The following LYPD5 variants were observed in gnomAD, a reference collection of about 807,000 sequenced individuals.
LYPD5 encodes the protein ly6/PLAUR domain-containing protein 5.
LYPD5 carries 21 observed loss-of-function variants against 19.1 expected under a neutral mutation model. The ratio of observed to expected loss-of-function variants is 1.10; its 90% CI spans 0.78 to 1.58. The LOEUF is 1.58. Among genes scored for constraint, LYPD5 ranks in the 40% most tolerant of loss-of-function variants. The probability of loss-of-function intolerance (pLI) is 0.00; values close to 1 mark genes in which losing one functional copy is unlikely to be tolerated. For missense variants in LYPD5, 287 were observed against 329.8 expected (o/e 0.87, Z 1.00); for synonymous variants, 128 against 142.7 (o/e 0.90, Z 0.74).
In LYPD5 at chr19:43,797,715, TA is replaced by T; in HGVS notation, c.631del (p.Tyr211ThrfsTer8). 2 of 1,613,368 alleles carry T rather than the reference TA, an allele frequency of 1.2e-6. No individual in the cohort carries two copies. The highest frequency in any genetic ancestry group is 1.7e-6 in the Non-Finnish European group (2 of 1,179,810). ...IDLQGSCCEG[Y>X]LCNRKSMTQP... ...GGTCATGGATTTCCTGTTGCAGAGG[TA>T]CCCCTCACAGCAGGAGCCCTGGAGG... On this transcript the variant is annotated frameshift_variant, in exon 5 of 5. Coordinates refer to ENST00000377950, the MANE Select transcript of LYPD5 (RefSeq NM_001031749.3). LOFTEE classifies it low-confidence loss of function (END_TRUNC).
intron 1 of LYPD5, among the ~76,000 whole-genome samples, chr19:43,809,534 C>T (rs528126175): frequency 1.6e-4 from 24 of 152,310 alleles, no homozygotes; most frequent in East Asian, 1.2e-3. Flanking sequence ...ACTGCCACCA[C>T]GCCCGGCTCA....
chr19:43,799,654 C>T, intron 2 of LYPD5, 52 bp downstream of exon 2: 5 of 1,559,788 alleles, frequency 3.2e-6, no homozygotes, highest in Non-Finnish European at 4.4e-6. Flanking sequence ...CCCCTCTCCC[C>T]CCTTTTTCCT....
At chr19:43,808,824 T>C (rs532128522) in intron 1 of LYPD5, among the ~76,000 whole-genome samples, 46 of 152,380 alleles carry the variant, frequency 3.0e-4, no homozygotes, top group Non-Finnish European at 5.4e-4. Flanking sequence ...ATAAGGTTAA[T>C]ATTTTATCTT....
intron 1 of LYPD5, among the ~76,000 whole-genome samples, chr19:43,814,814 C>T (rs1367486587): frequency 3.3e-5 from 5 of 152,178 alleles, no homozygotes; most frequent in Admixed American, 3.3e-4. Context: ...AGATCTCTTA[C>T]AATGAATTAA....
chr19:43,797,652 CG>C lies in LYPD5; in HGVS notation c.694del (p.Arg232GlufsTer53). 3 of 1,613,372 alleles carry C rather than the reference CG, an allele frequency of 1.9e-6. No homozygotes were observed. Among genetic ancestry groups the C allele is most frequent in the Non-Finnish European group, 2.5e-6 (3 of 1,179,736 alleles). ...GAGCAGGGCCAGGACCTGTAGTGCT[CG>C]GGGAGGGGTGGTGGCTGAAGCACTG... The part of the protein sequence containing the change: ...FTSASATTPP[R>X]ALQVLALLLP... On this transcript the variant is annotated frameshift_variant, in exon 5 of 5. Coordinates refer to ENST00000377950, the MANE Select transcript of LYPD5 (RefSeq NM_001031749.3). LOFTEE classifies it low-confidence loss of function (END_TRUNC).
At position 43,819,853 on chromosome 19, in the gene LYPD5, C is replaced by G. The variant is rs565647011; in HGVS notation, c.-66+687G>C. On this transcript the variant is annotated intron_variant, in intron 1 of 4. Coordinates refer to the LYPD5 transcript ENST00000414615. Reference sequence around the variant, plus strand: ...TTCTGTTATGTATGTGAGGGAACCACTATGGGAGACTGATGGCCTTGGGAA... The same window carrying G: ...TTCTGTTATGTATGTGAGGGAACCAGTATGGGAGACTGATGGCCTTGGGAA... Among the ~76,000 whole-genome samples, 8 of 152,304 alleles carry G rather than the reference C, an allele frequency of 5.3e-5. No homozygotes were observed. In the South Asian group the frequency reaches 1.7e-3, roughly 32 times the overall value.
At chr19:43,815,970 G>C (rs187112894) in intron 1 of LYPD5, among the ~76,000 whole-genome samples, 292 of 152,198 alleles carry the variant, frequency 1.9e-3, no homozygotes, top group Admixed American at 3.6e-3. Context: ...CTAACCTCAA[G>C]CGATTCACCC....
intron 2 of LYPD5, 49 bp downstream of exon 2, chr19:43,799,657 T>C (rs772191892): frequency 3.8e-5 from 58 of 1,545,560 alleles, no homozygotes; most frequent in Middle Eastern, 1.7e-4. Context: ...CTCTCCCCCC[T>C]TTTTCCTCCC....
At chr19:43,800,227 G>C (rs780866541) in intron 1 of LYPD5, among the ~76,000 whole-genome samples, 1 of 152,216 alleles carries the variant, frequency 6.6e-6, no homozygotes, top group Non-Finnish European at 1.5e-5. Flanking sequence ...CTCCAGGACA[G>C]GTAGAGTGAA....
chr19:43,808,461 T>C (rs1473017206), intron 1 of LYPD5, among the ~76,000 whole-genome samples: 1 of 152,250 alleles, frequency 6.6e-6, no homozygotes, highest in Non-Finnish European at 1.5e-5. Context: ...AAGGGTTTAA[T>C]ATTTAAATAT....
In LYPD5 at chr19:43,799,001, T is replaced by TG. The variant is rs1970181057; in HGVS notation, c.194-14_194-13insC. On this transcript the variant is annotated splice_polypyrimidine_tract_variant and intron_variant, in intron 2 of 4. Coordinates refer to ENST00000377950, the MANE Select transcript of LYPD5 (RefSeq NM_001031749.3). ...GGCGCGCGATACCCTGGGGGCGGGA[T>TG]CGGGGCTCGTGCTCTGCTTCCCGAA... 6.4e-7 allele frequency: 1 copy of TG among 1,552,616 alleles called. No homozygotes were observed.
At position 43,796,093 on chromosome 19, in the gene LYPD5, C is replaced by T. The variant is rs1970124565; in HGVS notation, c.*1498G>A. ...AAGGGGCAAGGCAGCTCTCCAGGGC[C>T]TCTTTTATAAGGGCACTAATCCTAT... On this transcript the variant is annotated 3_prime_UTR_variant, in exon 5 of 5. Transcript: ENST00000377950. 6.6e-6 allele frequency: 1 copy of T among 152,150 alleles called. No homozygotes were observed. Among genetic ancestry groups the T allele is most frequent in the African/African-American group, 2.4e-5 (1 of 41,420 alleles). The allele number at this position is 152,150 out of a possible 1,614,324, so 9.4% of individuals were successfully genotyped here.
chr19:43,811,998 T>C (rs2146505346), intron 1 of LYPD5, among the ~76,000 whole-genome samples: 1 of 152,258 alleles, frequency 6.6e-6, no homozygotes, highest in Non-Finnish European at 1.5e-5. Flanking sequence ...TGATTTCTGC[T>C]GGGCTCTGTC....
At chr19:43,817,871 C>T (rs530957266) in intron 1 of LYPD5, among the ~76,000 whole-genome samples, 1 of 152,154 alleles carries the variant, frequency 6.6e-6, no homozygotes, top group South Asian at 2.1e-4. Flanking sequence ...TGTGCACCAC[C>T]ACACGCAAGT....
intron 3 of LYPD5, 23 bp downstream of exon 3, chr19:43,798,789 C>G: frequency 6.3e-7 from 1 of 1,594,136 alleles, no homozygotes; most frequent in Non-Finnish European, 8.5e-7. Context: ...CCTCCCGGAG[C>G]CCAGCCCCGC....
intron 1 of LYPD5, among the ~76,000 whole-genome samples, chr19:43,814,079 G>A (rs759520267): frequency 2.6e-5 from 4 of 152,146 alleles, no homozygotes; most frequent in Non-Finnish European, 5.9e-5. Flanking sequence ...CTTCTTCCTA[G>A]ACCTACTTGC....
At chr19:43,819,394 C>T (rs1315558391) in intron 1 of LYPD5, among the ~76,000 whole-genome samples, 1 of 150,622 alleles carries the variant, frequency 6.6e-6, no homozygotes, top group East Asian at 1.9e-4. Context: ...AAGCGAGTCT[C>T]CTGCCTCAGC....
At chr19:43,812,277 CAGA>C (rs1970330566) in intron 1 of LYPD5, among the ~76,000 whole-genome samples, 1 of 152,040 alleles carries the variant, frequency 6.6e-6, no homozygotes, top group African/African-American at 2.4e-5. Flanking sequence ...AGAGTCAGTG[CAGA>C]AGGACACTAA....
At chr19:43,815,638 A>C (rs1970365856) in intron 1 of LYPD5, 1 of 190,226 alleles carries the variant, frequency 5.3e-6, no homozygotes, top group Admixed American at 6.0e-5. Flanking sequence ...AAAGAGAAAA[A>C]AAGAACACTA....
Sources: gnomAD v4.1 joint callset for allele counts (sites outside exome capture counted in the v4.1 genomes callset) on GRCh38, gnomAD v4.1.1 for gene constraint, MANE v1.5 for transcripts, NCBI Gene and HGNC (gene_info 2026-07-23, HGNC 2026-07-21) for gene names.